Variants in GLRA2 observed in about 807,000 individuals in gnomAD.
GLRA2 encodes the protein glycine receptor subunit alpha-2.
A neutral mutation model predicts 31.6 loss-of-function variants in GLRA2; 11 were observed. That is an observed-to-expected ratio of 0.35 (90% CI 0.22 to 0.58). The LOEUF is 0.58. GLRA2 is among the 20% of genes least tolerant of loss of function. The pLI, the probability that GLRA2 is intolerant of heterozygous loss-of-function variation, is 0.84. For missense variants in GLRA2, 212 were observed against 351.8 expected (o/e 0.60, Z 3.18); for synonymous variants, 132 against 134.0 (o/e 0.99, Z 0.10).
chrX:14,623,494 A>G (rs1240522003), intron 7 of GLRA2, among the ~76,000 whole-genome samples: 8 of 110,849 alleles, frequency 7.2e-5, no homozygotes, highest in African/African-American at 9.9e-5. Flanking sequence ...GTTTGTCATA[A>G]ATAGCTCTTA....
At chrX:14,609,232 G>T (rs1476435767) in intron 7 of GLRA2, 27 bp downstream of exon 7, 2 of 1,006,494 alleles carry the variant, frequency 2.0e-6, no homozygotes, top group South Asian at 1.9e-5. Context: ...GATAACAGAT[G>T]ACATGAAAGC....
At chrX:14,488,429 C>T in the GLRA2 span, among the ~76,000 whole-genome samples, 1 of 111,822 alleles carries the variant, frequency 8.9e-6, no homozygotes, top group Non-Finnish European at 1.9e-5. Flanking sequence ...CTGCTAGGAG[C>T]TAACATCCCT....
At chrX:14,583,486 C>A (rs1311092565) in intron 4 of GLRA2, among the ~76,000 whole-genome samples, 1 of 112,544 alleles carries the variant, frequency 8.9e-6, no homozygotes, top group Non-Finnish European at 1.9e-5. Flanking sequence ...CGCCTGTAAT[C>A]CCAGCACTTT....
intron 7 of GLRA2, among the ~76,000 whole-genome samples, chrX:14,681,935 A>ATGTATG (rs2091215327): frequency 7.7e-5 from 6 of 77,426 alleles, no homozygotes; most frequent in Non-Finnish European, 1.6e-4. Context: ...ATATATGTAT[A>ATGTATG]TATATGTGTG....
the GLRA2 span, among the ~76,000 whole-genome samples, chrX:14,484,972 T>C: frequency 8.9e-6 from 1 of 112,555 alleles, no homozygotes; most frequent in Admixed American, 9.4e-5. Context: ...ACTGTAAACA[T>C]ACACCCTTAA....
the GLRA2 span, among the ~76,000 whole-genome samples, chrX:14,488,854 C>A: frequency 8.9e-6 from 1 of 112,135 alleles, no homozygotes; most frequent in Non-Finnish European, 1.9e-5. Flanking sequence ...GCTCTCCTTT[C>A]TTATGTTTTA....
chrX:14,606,047 T>C (rs138326410), intron 5 of GLRA2, among the ~76,000 whole-genome samples: 2,294 of 106,769 alleles, frequency 0.021, 72 homozygotes, highest in African/African-American at 0.074. Context: ...GTTGAAAAGG[T>C]AGTCCAAAGA....
At chrX:14,507,689 CTT>C in the GLRA2 span, among the ~76,000 whole-genome samples, 14 of 46,629 alleles carry the variant, frequency 3.0e-4, no homozygotes, top group African/African-American at 5.5e-4. Flanking sequence ...GAAAGACATT[CTT>C]TTTTTTTTTT....
intron 7 of GLRA2, 49 bp from the exon 8 acceptor site, chrX:14,690,661 C>T: frequency 2.8e-6 from 1 of 360,103 alleles, no homozygotes; most frequent in Non-Finnish European, 4.3e-6. Context: ...GTCTTTCTTT[C>T]TCTCTCTCTC....
intron 4 of GLRA2, among the ~76,000 whole-genome samples, 191 bp from the exon 5 acceptor site, chrX:14,604,124 C>T (rs2090306013): frequency 9.1e-6 from 1 of 109,733 alleles, no homozygotes; most frequent in South Asian, 4.0e-4. Flanking sequence ...TGAAATACTA[C>T]AATATTTAAA....
At chrX:14,600,014 A>G (rs2090250112) in intron 4 of GLRA2, among the ~76,000 whole-genome samples, 1 of 111,072 alleles carries the variant, frequency 9.0e-6, no homozygotes, top group African/African-American at 3.3e-5. Context: ...GTTCCAGTAC[A>G]AAACCTATCT....
intron 7 of GLRA2, among the ~76,000 whole-genome samples, chrX:14,668,694 CAT>C (rs1005722639): frequency 1.8e-5 from 2 of 111,965 alleles, no homozygotes; most frequent in Non-Finnish European, 3.8e-5. Context: ...AAAATCATCA[CAT>C]GTCGTGAGAC....
chrX:14,650,766 C>G (rs1271774053), intron 7 of GLRA2, among the ~76,000 whole-genome samples: 1 of 111,692 alleles, frequency 9.0e-6, no homozygotes, highest in African/African-American at 3.3e-5. Context: ...AAAGAGAAAT[C>G]AGGAGGATCC....
intron 8 of GLRA2, among the ~76,000 whole-genome samples, chrX:14,710,426 C>G (rs148398503): frequency 0.019 from 2,077 of 111,665 alleles, 42 homozygotes; most frequent in African/African-American, 0.056. Flanking sequence ...GTGTCAGCCT[C>G]TAAAAGGACA....
At position 14,568,980 on chromosome X, in the gene GLRA2, T is replaced by C. The variant is rs763476238; in HGVS notation, c.203-5353T>C. ...AACTTTATCAAAACTAAAGGCCAAG[T>C]GTGGTGGCTCATGCCTGTAATCCCA... On this transcript the variant is annotated intron_variant, in intron 2 of 8. Coordinates refer to ENST00000218075, the MANE Select transcript of GLRA2 (RefSeq NM_002063.4). 5.4e-5 allele frequency among the ~76,000 whole-genome samples: 6 copies of C among 110,363 alleles called. No homozygotes were observed. In the South Asian group the frequency reaches 2.3e-3, roughly 42 times the overall value.
At chrX:14,467,703 G>A in the GLRA2 span, among the ~76,000 whole-genome samples, 1 of 111,329 alleles carries the variant, frequency 9.0e-6, no homozygotes, top group East Asian at 2.8e-4. Flanking sequence ...GGGAATAGCT[G>A]TAAAAGTTCT....
At chrX:14,618,986 G>T (rs1261297741) in intron 7 of GLRA2, among the ~76,000 whole-genome samples, 1 of 111,528 alleles carries the variant, frequency 9.0e-6, no homozygotes, top group African/African-American at 3.3e-5. Flanking sequence ...TTGTTAATTA[G>T]ATCGGACACA....
chrX:14,459,356 G>T, the GLRA2 span, among the ~76,000 whole-genome samples: 3 of 111,053 alleles, frequency 2.7e-5, no homozygotes, highest in African/African-American at 9.8e-5. Flanking sequence ...GGCAATGAGG[G>T]CTCTTTTTTG....
chrX:14,490,797 A>C, the GLRA2 span, among the ~76,000 whole-genome samples: 1 of 111,804 alleles, frequency 8.9e-6, no homozygotes, highest in African/African-American at 3.3e-5. Flanking sequence ...TGTATGGGGG[A>C]AAAACTTTAT....
Sources: allele counts gnomAD v4.1 joint callset (sites outside exome capture counted in the v4.1 genomes callset), GRCh38; gene constraint gnomAD v4.1.1; transcripts MANE v1.5; gene names NCBI Gene and HGNC (gene_info 2026-07-23, HGNC 2026-07-21).